The following DGLUCY variants were observed in gnomAD, a reference collection of about 807,000 sequenced individuals.
DGLUCY encodes the protein D-glutamate cyclase.
A neutral mutation model predicts 58.5 loss-of-function variants in DGLUCY; 58 were observed. The ratio of observed to expected loss-of-function variants is 0.99; its 90% CI spans 0.80 to 1.23. DGLUCY has a LOEUF of 1.23. Among genes scored for constraint, DGLUCY ranks in the 50% most tolerant of loss-of-function variants. The pLI is 0.00. For missense variants in DGLUCY, 779 were observed against 784.7 expected, an observed-to-expected ratio of 0.99 and a Z score of 0.09; for synonymous variants, 325 against 314.1, an observed-to-expected ratio of 1.03 and a Z score of -0.37.
At chr14:91,125,891 C>A (rs2045642187) in intron 1 of DGLUCY, among the ~76,000 whole-genome samples, 2 of 152,184 alleles carry the variant, frequency 1.3e-5, no homozygotes, top group Non-Finnish European at 2.9e-5. Flanking sequence ...GAGATCTTGC[C>A]ACTGTACTCT....
At chr14:91,095,264 TC>T (rs2044376112) in intron 1 of DGLUCY, among the ~76,000 whole-genome samples, 1 of 152,186 alleles carries the variant, frequency 6.6e-6, no homozygotes, top group Non-Finnish European at 1.5e-5. Flanking sequence ...GTCCACCTGT[TC>T]CTGAAGAACT....
intron 4 of DGLUCY, among the ~76,000 whole-genome samples, 185 bp from the exon 5 acceptor site, chr14:91,169,818 A>G (rs2048472331): frequency 6.6e-6 from 1 of 151,744 alleles, no homozygotes; most frequent in African/African-American, 2.4e-5. Context: ...ATCGTTTCCG[A>G]TCTGGGGACA....
At chr14:91,074,104 AATATAT>A (rs1175322033) in intron 1 of DGLUCY, among the ~76,000 whole-genome samples, 10 of 96,066 alleles carry the variant, frequency 1.0e-4, no homozygotes, top group African/African-American at 4.3e-4. Flanking sequence ...AAAAAAAAAA[AATATAT>A]ATATATATAC....
At chr14:91,128,075 C>T (rs1186857645) in intron 1 of DGLUCY, among the ~76,000 whole-genome samples, 1 of 152,072 alleles carries the variant, frequency 6.6e-6, no homozygotes, top group Admixed American at 6.6e-5. Context: ...ACCTTACACC[C>T]ACCTCAACAC....
At chr14:91,085,480 C>T (rs934955968) in intron 1 of DGLUCY, among the ~76,000 whole-genome samples, 4 of 151,928 alleles carry the variant, frequency 2.6e-5, no homozygotes, top group Admixed American at 2.6e-4. Flanking sequence ...ACAGTTGTCC[C>T]TCAGTATCCA....
At chr14:91,074,357 T>C (rs1229593148) in intron 1 of DGLUCY, among the ~76,000 whole-genome samples, 1 of 149,292 alleles carries the variant, frequency 6.7e-6, no homozygotes, top group Non-Finnish European at 1.5e-5. Context: ...CATGTACCTA[T>C]AGTCCTAGCT....
chr14:91,068,379 A>C (rs1809577041), intron 1 of DGLUCY, among the ~76,000 whole-genome samples: 1 of 152,184 alleles, frequency 6.6e-6, no homozygotes, highest in South Asian at 2.1e-4. Flanking sequence ...AGATATAAAG[A>C]TATTGGGGGC....
At position 91,170,046 on chromosome 14, in the gene DGLUCY, A is replaced by G. The variant is rs745881890; in HGVS notation, c.301A>G (p.Thr101Ala). The change falls in exon 5 of 14, where the codon ACC (threonine) becomes GCC (alanine). Residue 101 changes from threonine to alanine, a missense_variant. By Grantham distance (58) the Thr-to-Ala change is moderately conservative. Coordinates refer to ENST00000256324, the MANE Select transcript of DGLUCY (RefSeq NM_001102368.3). ...CTGGAAATACGAGTTCGGTGCCTGCACCGGCAGCCTGGCTTCGCTGGAGCA... is the reference window on the plus strand; with the variant it reads ...CTGGAAATACGAGTTCGGTGCCTGCGCCGGCAGCCTGGCTTCGCTGGAGCA... ...QFWKYEFGACTGSLASLEQYS... is the reference protein window; with the variant it reads ...QFWKYEFGACAGSLASLEQYS... 1 of 1,612,270 alleles carries G rather than the reference A, an allele frequency of 6.2e-7. No individual in the cohort carries two copies. Among genetic ancestry groups the G allele is most frequent in the South Asian group, 1.1e-5 (1 of 90,998 alleles).
chr14:91,141,962 C>T (rs2046717315), intron 1 of DGLUCY, among the ~76,000 whole-genome samples: 1 of 152,024 alleles, frequency 6.6e-6, no homozygotes, highest in African/African-American at 2.4e-5. Context: ...TCTCCTGCCT[C>T]AGCCTCTTCA....
intron 11 of DGLUCY, among the ~76,000 whole-genome samples, chr14:91,203,057 T>G (rs1241254799): frequency 6.6e-6 from 1 of 152,258 alleles, no homozygotes; most frequent in East Asian, 1.9e-4. Context: ...TTCCACTGAC[T>G]GCCCAGGTAC....
chr14:91,068,528 C>A (rs4904743), intron 1 of DGLUCY, among the ~76,000 whole-genome samples: 2 of 151,794 alleles, frequency 1.3e-5, no homozygotes, highest in Admixed American at 1.3e-4. Flanking sequence ...ATTAGCCAGG[C>A]GTGGTGGGGC....
At chr14:91,202,687 G>A (rs28462232) in intron 11 of DGLUCY, among the ~76,000 whole-genome samples, 1 of 152,104 alleles carries the variant, frequency 6.6e-6, no homozygotes. Flanking sequence ...GTGGCTACAG[G>A]GGCAAACAGG....
chr14:91,154,527 G>C (rs1444575045), intron 1 of DGLUCY, among the ~76,000 whole-genome samples: 1 of 152,198 alleles, frequency 6.6e-6, no homozygotes, highest in Non-Finnish European at 1.5e-5. Flanking sequence ...TAAAGATGTT[G>C]AAGCCCACAA....
chr14:91,092,946 T>G (rs532198204), intron 1 of DGLUCY, among the ~76,000 whole-genome samples: 129 of 152,170 alleles, frequency 8.5e-4, no homozygotes, highest in Non-Finnish European at 1.5e-3. Flanking sequence ...TAGCCGAGCA[T>G]GGTGGCAGGC....
At chr14:91,152,196 C>G (rs2047374320) in intron 1 of DGLUCY, among the ~76,000 whole-genome samples, 1 of 152,128 alleles carries the variant, frequency 6.6e-6, no homozygotes, top group Non-Finnish European at 1.5e-5. Flanking sequence ...GAAAATACAG[C>G]CTGGGTAGCA....
At chr14:91,204,165 C>T (rs1466463072) in intron 11 of DGLUCY, among the ~76,000 whole-genome samples, 5 of 152,220 alleles carry the variant, frequency 3.3e-5, no homozygotes, top group African/African-American at 7.2e-5. Flanking sequence ...GGCCTCAAGA[C>T]TATGTAGCCT....
At chr14:91,196,744 T>TAAAAAAAAAAAAAAAAAAAAAAAAA (rs146566022) in intron 10 of DGLUCY, among the ~76,000 whole-genome samples, 1 of 94,870 alleles carries the variant, frequency 1.1e-5, no homozygotes. Context: ...GACATAGCAC[T>TAAAAAAAAAAAAAAAAAAAAAAAAA]AAAAAAAAAA....
At position 91,215,449 on chromosome 14, in the gene DGLUCY, A is replaced by G. The variant is rs1263559635; in HGVS notation, c.1609A>G (p.Ile537Val). The G allele has an allele frequency of 1.2e-6, 2 of 1,614,158 alleles. No homozygotes were observed. The highest frequency in any genetic ancestry group is 1.7e-5 in the Admixed American group (1 of 60,022). ...GGYALACALY[I>V]LYSCAVHSQY... ...CTATGCCCTGGCCTGCGCACTCTAC[A>G]TCCTGTACTCATGTGCTGTCCACAG... is the stretch of plus-strand genomic sequence containing the variant. Residue 537 changes from isoleucine to valine, a missense_variant, in exon 13 of 14, where the codon ATC becomes GTC. Coordinates refer to ENST00000256324, the MANE Select transcript of DGLUCY (RefSeq NM_001102368.3).
intron 1 of DGLUCY, among the ~76,000 whole-genome samples, chr14:91,146,529 G>C (rs1336299968): frequency 2.6e-5 from 4 of 152,166 alleles, no homozygotes. Flanking sequence ...GGGGCTCCGA[G>C]CAAGCCCTGG....
Sources: allele counts gnomAD v4.1 joint callset (sites outside exome capture counted in the v4.1 genomes callset), GRCh38; gene constraint gnomAD v4.1.1; transcripts MANE v1.5; gene names NCBI Gene and HGNC (gene_info 2026-07-23, HGNC 2026-07-21).